The following FANCC variants were observed in gnomAD, a reference collection of about 807,000 sequenced individuals.
FANCC encodes Fanconi anemia group C protein.
Under a neutral mutation model 71.3 loss-of-function variants are expected in FANCC, and 55 were observed. That is an observed-to-expected ratio of 0.77 (90% CI 0.62 to 0.97). FANCC has a LOEUF of 0.97. Among genes scored for constraint, FANCC ranks in the 50% least tolerant of loss-of-function variants. The pLI is 0.00. For missense variants in FANCC, 678 were observed against 670.9 expected (o/e 1.01, Z -0.12); for synonymous variants, 275 against 244.9 (o/e 1.12, Z -1.15).
At chr9:95,264,350 G>T (rs985644981) in intron 1 of FANCC, among the ~76,000 whole-genome samples, 30 of 152,154 alleles carry the variant, frequency 2.0e-4, no homozygotes, top group African/African-American at 7.0e-4. Flanking sequence ...TGTTGTAGAA[G>T]AAAAATAAAA....
At chr9:95,126,865 A>G (rs1826063853) in intron 8 of FANCC, 2 of 406,540 alleles carry the variant, frequency 4.9e-6, no homozygotes, top group Non-Finnish European at 9.2e-6. Context: ...AGAATCAGTA[A>G]GTATTAGAGA....
intron 1 of FANCC, among the ~76,000 whole-genome samples, chr9:95,267,996 C>CA (rs1009983210): frequency 6.6e-6 from 1 of 152,240 alleles, no homozygotes; most frequent in African/African-American, 2.4e-5. Context: ...GCTGGCCCCA[C>CA]AGCCTGGCCT....
intron 4 of FANCC, among the ~76,000 whole-genome samples, chr9:95,203,534 C>T (rs1031398296): frequency 6.6e-6 from 1 of 152,096 alleles, no homozygotes; most frequent in African/African-American, 2.4e-5. Context: ...GCAATAATCC[C>T]AATTGTATAT....
At position 95,099,214 on chromosome 9, in the gene FANCC, G is replaced by A. The variant is rs1318905921; in HGVS notation, c.*2493C>T. 9.2e-6 allele frequency: 2 copies of A among 218,002 alleles called. No individual in the cohort carries two copies. The highest frequency in any genetic ancestry group is 1.8e-5 in the Non-Finnish European group (2 of 108,712). 13.5% of individuals were successfully genotyped at this position (218,002 alleles called of 1,614,324 possible). ...TTCTGTATTTTTGGCTCTCTCTGAG[G>A]GTAGTGGTTTTACCAGCATGCTTTA... is the stretch of plus-strand genomic sequence containing the variant. On this transcript the variant is annotated 3_prime_UTR_variant, in exon 15 of 15. Coordinates refer to ENST00000289081, the MANE Select transcript of FANCC (RefSeq NM_000136.3).
Position 95,191,279 on chromosome 9 carries a change from G to GGCCCA in FANCC, c.346-19137_346-19133dup, listed in dbSNP as rs546493500. ...CCAGGGTGGGGTTCAAACCTCACAA[G>GGCCCA]GCCCAGCCCAGCCCAGCCCAGCCCA... is the stretch of plus-strand genomic sequence containing the variant. On this transcript the variant is annotated intron_variant, in intron 4 of 14. Transcript: ENST00000289081. Among the ~76,000 whole-genome samples, 463 of 150,196 alleles carry GGCCCA rather than the reference G, an allele frequency of 3.1e-3. 1 individual carries two copies. Among genetic ancestry groups the GGCCCA allele is most frequent in the African/African-American group, 0.01 (418 of 40,782 alleles).
At chr9:95,166,514 C>A (rs1181427390) in intron 6 of FANCC, among the ~76,000 whole-genome samples, 1 of 152,080 alleles carries the variant, frequency 6.6e-6, no homozygotes, top group African/African-American at 2.4e-5. Flanking sequence ...TTTATGTTAT[C>A]AATATCACAA....
At chr9:95,180,803 G>A (rs1159639397) in intron 4 of FANCC, among the ~76,000 whole-genome samples, 1 of 151,998 alleles carries the variant, frequency 6.6e-6, no homozygotes, top group Non-Finnish European at 1.5e-5. Context: ...CAGGATGTTT[G>A]TTTACCTAGA....
In FANCC at chr9:95,244,451, A is replaced by G. The variant is rs149709410; in HGVS notation, c.250+2981T>C. Among the ~76,000 whole-genome samples the G allele has an allele frequency of 3.2e-3, 480 of 152,228 alleles. 9 individuals carry two copies. The East Asian group carries it at 0.043, about 14-fold the overall frequency. On this transcript the variant is annotated intron_variant, in intron 3 of 14. Coordinates refer to ENST00000289081, the MANE Select transcript of FANCC (RefSeq NM_000136.3). ...TCCCAGCACTTTGGGAGGCCGAGGC[A>G]GGCAGATCACAAGGTCAGGAGATTG...
chr9:95,311,209 G>A lies in FANCC; in HGVS notation c.-79+6317C>T, dbSNP rs183722853. Among the ~76,000 whole-genome samples the A allele has an allele frequency of 1.3e-3, 198 of 147,644 alleles. 1 individual carries two copies. Among genetic ancestry groups the A allele is most frequent in the African/African-American group, 4.0e-3 (157 of 39,612 alleles). ...AGATCGCGCCACTGCACTCCAGCCC[G>A]GGAGACAGAGTGAGATTCCGTCTCA... On this transcript the variant is annotated intron_variant, in intron 1 of 14. Transcript: ENST00000289081.
At chr9:95,135,233 A>C (rs1827501483) in intron 8 of FANCC, 113 bp downstream of exon 8, 3 of 1,031,128 alleles carry the variant, frequency 2.9e-6, no homozygotes, top group Middle Eastern at 6.0e-4. Flanking sequence ...ATTATATATA[A>C]AGGTTCCAAT....
chr9:95,156,377 A>G (rs1218463286), intron 6 of FANCC, among the ~76,000 whole-genome samples: 1 of 152,202 alleles, frequency 6.6e-6, no homozygotes, highest in Non-Finnish European at 1.5e-5. Context: ...CTGTAAACCA[A>G]CACATCCGAT....
chr9:95,255,792 A>C (rs1320623695), intron 1 of FANCC, among the ~76,000 whole-genome samples: 1 of 152,106 alleles, frequency 6.6e-6, no homozygotes, highest in African/African-American at 2.4e-5. Context: ...AAGGAAGCTA[A>C]GAATCTTGAA....
intron 10 of FANCC, among the ~76,000 whole-genome samples, chr9:95,122,345 A>T (rs2072952841): frequency 6.6e-6 from 1 of 152,254 alleles, no homozygotes; most frequent in Admixed American, 6.5e-5. Context: ...GGTTTTGATT[A>T]GCTAAAAATG....
At chr9:95,268,708 T>C (rs1832542206) in intron 1 of FANCC, among the ~76,000 whole-genome samples, 1 of 152,168 alleles carries the variant, frequency 6.6e-6, no homozygotes, top group Non-Finnish European at 1.5e-5. Flanking sequence ...TTTAAAAGGT[T>C]AGAAAACCTC....
intron 1 of FANCC, chr9:95,294,940 TC>T: frequency 1.3e-6 from 1 of 763,440 alleles, no homozygotes; most frequent in Non-Finnish European, 1.9e-6. Flanking sequence ...TCTTTGCAGT[TC>T]TTTGCCTTTT....
intron 1 of FANCC, among the ~76,000 whole-genome samples, chr9:95,310,325 C>A (rs984885569): frequency 1.3e-5 from 2 of 151,804 alleles, no homozygotes; most frequent in African/African-American, 4.8e-5. Context: ...TATGTTCGTG[C>A]CACTGCACTC....
intron 4 of FANCC, among the ~76,000 whole-genome samples, chr9:95,213,944 TCAACAATAAAAACCAAA>T: frequency 6.6e-6 from 1 of 151,902 alleles, no homozygotes; most frequent in East Asian, 1.9e-4. Context: ...GAACTAAAAC[TCAACAATAAAAACCAAA>T]CAACACAACT....
intron 7 of FANCC, among the ~76,000 whole-genome samples, chr9:95,144,140 G>C (rs566137736): frequency 5.0e-4 from 76 of 152,238 alleles, no homozygotes; most frequent in Non-Finnish European, 8.5e-4. Context: ...GGGGAGGGGG[G>C]GCTGGGCGCG....
At chr9:95,251,247 A>C (rs1171792043) in intron 1 of FANCC, among the ~76,000 whole-genome samples, 2 of 152,220 alleles carry the variant, frequency 1.3e-5, no homozygotes, top group African/African-American at 4.8e-5. Flanking sequence ...GGTATTCCTC[A>C]TAGTACAGTT....
Sources: allele counts gnomAD v4.1 joint callset (sites outside exome capture counted in the v4.1 genomes callset), GRCh38; gene constraint gnomAD v4.1.1; transcripts MANE v1.5; gene names NCBI Gene and HGNC (gene_info 2026-07-23, HGNC 2026-07-21).